Variants in RARS2 observed in about 807,000 individuals in gnomAD.
RARS2 encodes the protein probable arginine--tRNA ligase, mitochondrial.
Under a neutral mutation model 88.5 loss-of-function variants are expected in RARS2, and 67 were observed. The observed-to-expected ratio is 0.76, with a 90% CI of 0.62 to 0.93. The LOEUF is 0.93. Among genes scored for constraint, RARS2 ranks in the 40% least tolerant of loss-of-function variants. The probability of loss-of-function intolerance (pLI) is 0.00; values close to 1 mark genes in which losing one functional copy is unlikely to be tolerated. For synonymous variants in RARS2, 239 were observed against 230.3 expected (o/e 1.04, Z -0.34); for missense variants, 664 against 684.2 (o/e 0.97, Z 0.33).
At chr6:87,586,685 A>T (rs2128230196) in intron 1 of RARS2, among the ~76,000 whole-genome samples, 1 of 152,312 alleles carries the variant, frequency 6.6e-6, no homozygotes, top group Admixed American at 6.5e-5. Flanking sequence ...AGCTAAATGC[A>T]TTTGCCATTG....
intron 8 of RARS2, among the ~76,000 whole-genome samples, chr6:87,538,768 T>A (rs987985988): frequency 1.6e-4 from 25 of 152,272 alleles, no homozygotes; most frequent in Non-Finnish European, 3.2e-4. Flanking sequence ...GTGTGGTGGC[T>A]CACACCTATA....
At chr6:87,540,554 T>C (rs759035988) in intron 8 of RARS2, among the ~76,000 whole-genome samples, 1 of 152,008 alleles carries the variant, frequency 6.6e-6, no homozygotes, top group Non-Finnish European at 1.5e-5. Context: ...AAGCACCCTC[T>C]GTGGCTTAAG....
intron 5 of RARS2, among the ~76,000 whole-genome samples, chr6:87,549,531 G>GT (rs1562167080): frequency 6.7e-6 from 1 of 150,346 alleles, no homozygotes; most frequent in African/African-American, 2.5e-5. Flanking sequence ...GGGTGACAGA[G>GT]TAAGATTCTG....
chr6:87,523,263 G>A (rs1166156779), intron 11 of RARS2, among the ~76,000 whole-genome samples: 1 of 152,164 alleles, frequency 6.6e-6, no homozygotes, highest in African/African-American at 2.4e-5. Flanking sequence ...AGGTCATTTA[G>A]TCCAGATCTC....
intron 18 of RARS2, 100 bp from the exon 19 acceptor site, chr6:87,515,120 C>A (rs1459578168): frequency 1.4e-5 from 13 of 933,876 alleles, no homozygotes; most frequent in South Asian, 1.2e-4. Flanking sequence ...TTAATAAAGC[C>A]CAGAACCATT....
At chr6:87,576,897 T>C (rs1048042264) in intron 1 of RARS2, among the ~76,000 whole-genome samples, 11 of 152,198 alleles carry the variant, frequency 7.2e-5, no homozygotes, top group Non-Finnish European at 7.3e-5. Flanking sequence ...GTACTTTACT[T>C]TGTAGTCACA....
At position 87,584,792 on chromosome 6, in the gene RARS2, T is replaced by C. The variant is rs1168547087; in HGVS notation, c.36+5130A>G. The C allele has an allele frequency of 2.4e-5, 11 of 449,172 alleles. No homozygotes were observed. The East Asian group carries it at 2.8e-4, about 11-fold the overall frequency. The allele number at this position is 449,172 out of a possible 1,614,324, so 27.8% of individuals were successfully genotyped here. A position where few individuals can be genotyped will look rare whatever the true frequency, so the allele number is the denominator to read the frequency against. On this transcript the variant is annotated intron_variant, in intron 1 of 19. Coordinates refer to ENST00000369536, the MANE Select transcript of RARS2 (RefSeq NM_020320.5). ...GCTAAGAGACAAGATGATGAATCCT[T>C]GTGCAGTTATCTACCCCAAGACCCA...
At chr6:87,556,795 A>C (rs1452096162) in intron 4 of RARS2, among the ~76,000 whole-genome samples, 1 of 147,218 alleles carries the variant, frequency 6.8e-6, no homozygotes, top group Non-Finnish European at 1.5e-5. Flanking sequence ...TGTCTCAAAA[A>C]AAAAAAAAAA....
At chr6:87,569,678 A>G (rs2085808925) in intron 1 of RARS2, 88 bp from the exon 2 acceptor site, 1 of 1,023,956 alleles carries the variant, frequency 9.8e-7, no homozygotes, top group Non-Finnish European at 1.5e-6. Flanking sequence ...TAAACTATTA[A>G]TACACTTAAC....
In RARS2 at chr6:87,518,223, T is replaced by C; in HGVS notation, c.1457A>G (p.Asn486Ser). The C allele has an allele frequency of 6.2e-7, 1 of 1,614,178 alleles. No homozygotes were observed. Among genetic ancestry groups the C allele is most frequent in the Non-Finnish European group, 8.5e-7 (1 of 1,180,022 alleles). Residue 486 changes from asparagine (N) to serine (S), a missense_variant, in exon 17 of 20, where the codon AAC (asparagine) becomes AGC (serine). Coordinates refer to ENST00000369536, the MANE Select transcript of RARS2 (RefSeq NM_020320.5). Reference protein sequence around the residue: ...TFGCGYLNDFNTACLQEPQSV... With the variant: ...TFGCGYLNDFSTACLQEPQSV... Reference sequence around the variant, plus strand: ...CTGTGGCTCTTGTAAACAAGCAGTGTTGAAGTCATTCAGGTACCCACATCC... The same window carrying C: ...CTGTGGCTCTTGTAAACAAGCAGTGCTGAAGTCATTCAGGTACCCACATCC...
intron 8 of RARS2, among the ~76,000 whole-genome samples, chr6:87,535,526 A>G (rs914624514): frequency 6.6e-6 from 1 of 152,078 alleles, no homozygotes; most frequent in Admixed American, 6.6e-5. Flanking sequence ...CTAACCCCTC[A>G]CTATTTTTCT....
Position 87,524,611 on chromosome 6 carries a change from G to A in RARS2, c.920C>T (p.Pro307Leu). ...AVVDLSGNGD[P>L]SSICTVMRSD... ...TCGCATTACAGTACAAATTGAGGAG[G>A]GGTCGCCATTCCCAGAGAGATCTAC... Residue 307 changes from proline (P) to leucine (L), a missense_variant, in exon 11 of 20, where the codon CCC (proline) becomes CTC (leucine). By Grantham distance (98) the Pro-to-Leu change is moderately conservative. Coordinates refer to ENST00000369536, the MANE Select transcript of RARS2 (RefSeq NM_020320.5). 6.2e-7 allele frequency: 1 copy of A among 1,613,330 alleles called. No homozygotes were observed. Among genetic ancestry groups the A allele is most frequent in the Non-Finnish European group, 8.5e-7 (1 of 1,179,588 alleles).
chr6:87,579,664 G>A (rs942573429), intron 1 of RARS2, among the ~76,000 whole-genome samples: 122 of 133,456 alleles, frequency 9.1e-4, no homozygotes, highest in African/African-American at 3.3e-3. Context: ...AAAAAAAAAA[G>A]AGAGAGAGAG....
chr6:87,547,232 A>C (rs1433907903), intron 6 of RARS2, among the ~76,000 whole-genome samples: 1 of 152,192 alleles, frequency 6.6e-6, no homozygotes, highest in Non-Finnish European at 1.5e-5. Flanking sequence ...ACTCACTCCT[A>C]TACTTTTGAC....
At chr6:87,523,123 A>G (rs926312761) in intron 11 of RARS2, among the ~76,000 whole-genome samples, 10 of 152,306 alleles carry the variant, frequency 6.6e-5, no homozygotes, top group Admixed American at 3.9e-4. Flanking sequence ...GACACCTGTT[A>G]TATTTTTTTG....
chr6:87,524,552 C>T lies in RARS2; in HGVS notation c.974+5G>A. On this transcript the variant is annotated splice_donor_5th_base_variant and intron_variant, in intron 11 of 19. Coordinates refer to ENST00000369536, the MANE Select transcript of RARS2 (RefSeq NM_020320.5). ...CAAATGTTGACCCTCACAGAGGCTACAAACCTGGTTGCATAGAGAGAAGTC... is the reference window on the plus strand; with the variant it reads ...CAAATGTTGACCCTCACAGAGGCTATAAACCTGGTTGCATAGAGAGAAGTC... 1.3e-6 allele frequency: 2 copies of T among 1,598,496 alleles called. No individual in the cohort carries two copies. The highest frequency in any genetic ancestry group is 1.7e-4 in the Middle Eastern group (1 of 6,044).
intron 1 of RARS2, among the ~76,000 whole-genome samples, chr6:87,579,614 T>C (rs1476931774): frequency 6.6e-6 from 1 of 151,992 alleles, no homozygotes; most frequent in East Asian, 1.9e-4. Flanking sequence ...GTGAATGTTT[T>C]TAATTAGAGG....
At position 87,524,566 on chromosome 6, in the gene RARS2, T is replaced by C. The variant is rs1279762700; in HGVS notation, c.965A>G (p.Tyr322Cys). ...TVMRSDGTSL[Y>C]ATRDLAAAID... Reference sequence around the variant, plus strand: ...CACAGAGGCTACAAACCTGGTTGCATAGAGAGAAGTCCCATCACTTCGCAT... The same window carrying C: ...CACAGAGGCTACAAACCTGGTTGCACAGAGAGAAGTCCCATCACTTCGCAT... Residue 322 changes from tyrosine (Y) to cysteine (C), a missense_variant, in exon 11 of 20, where the codon TAT (tyrosine) becomes TGT (cysteine). Transcript: ENST00000369536. 63 of 1,609,166 alleles carry C rather than the reference T, an allele frequency of 3.9e-5. No homozygotes were observed. Among genetic ancestry groups the C allele is most frequent in the South Asian group, 3.3e-5 (3 of 90,960 alleles).
chr6:87,526,288 A>C (rs1405756417), intron 10 of RARS2, among the ~76,000 whole-genome samples: 1 of 152,142 alleles, frequency 6.6e-6, no homozygotes, highest in African/African-American at 2.4e-5. Flanking sequence ...GGCCAAGGCA[A>C]GTGGATCACT....
Sources: gnomAD v4.1 joint callset for allele counts (sites outside exome capture counted in the v4.1 genomes callset) on GRCh38, gnomAD v4.1.1 for gene constraint, MANE v1.5 for transcripts, NCBI Gene and HGNC (gene_info 2026-07-23, HGNC 2026-07-21) for gene names.